The following CATSPER2 variants were observed in gnomAD, a reference collection of about 807,000 sequenced individuals.
CATSPER2 encodes the protein cation channel sperm-associated protein 2.
CATSPER2 carries 56 observed loss-of-function variants against 68.8 expected under a neutral mutation model. The observed-to-expected ratio is 0.81, with a 90% CI of 0.66 to 1.02. The LOEUF (loss-of-function observed/expected upper bound fraction) is 1.02. CATSPER2 is among the 50% of genes least tolerant of loss of function. The probability of loss-of-function intolerance (pLI) is 0.00; values close to 1 mark genes in which losing one functional copy is unlikely to be tolerated. For synonymous variants in CATSPER2, 198 were observed against 229.9 expected, an observed-to-expected ratio of 0.86 and a Z score of 1.26; for missense variants, 582 against 642.0, an observed-to-expected ratio of 0.91 and a Z score of 1.01.
intron 3 of CATSPER2, 41 bp downstream of exon 3, chr15:43,647,253 G>A (rs763234575): frequency 4.4e-6 from 7 of 1,586,026 alleles, no homozygotes; most frequent in Non-Finnish European, 6.1e-6. Flanking sequence ...TTAGGCAGAT[G>A]ATCAACAGCC....
At position 43,632,937 on chromosome 15, in the gene CATSPER2, TAAAG is replaced by T; in HGVS notation, c.1179-7_1179-4del. On this transcript the variant is annotated splice_polypyrimidine_tract_variant and splice_region_variant and intron_variant, in intron 10 of 12. Transcript: ENST00000396879. The stretch of plus-strand genomic sequence containing the variant: ...TTTGTTGACTAGCTCCTCTTGAACT[TAAAG>T]AAGAAATTTATGGCTTCACAAACAT... The T allele has an allele frequency of 6.3e-7, 1 of 1,583,934 alleles. No homozygotes were observed. Among genetic ancestry groups the T allele is most frequent in the Non-Finnish European group, 8.7e-7 (1 of 1,155,976 alleles).
At chr15:43,637,145 A>G (rs545464969) in intron 7 of CATSPER2, among the ~76,000 whole-genome samples, 1 of 151,950 alleles carries the variant, frequency 6.6e-6, no homozygotes, top group Non-Finnish European at 1.5e-5. Flanking sequence ...TTTATTCTCT[A>G]CTGCTCTATG....
At chr15:43,645,398 T>C (rs1011559550) in intron 4 of CATSPER2, among the ~76,000 whole-genome samples, 1 of 151,640 alleles carries the variant, frequency 6.6e-6, no homozygotes, top group African/African-American at 2.4e-5. Context: ...AGAGGCAGAG[T>C]CCTGAACTGG....
Position 43,640,439 on chromosome 15 carries a change from G to T in CATSPER2, c.446C>A (p.Ala149Glu). 6.2e-7 allele frequency: 1 copy of T among 1,613,198 alleles called. No individual in the cohort carries two copies. Among genetic ancestry groups the T allele is most frequent in the Non-Finnish European group, 8.5e-7 (1 of 1,179,438 alleles). The change falls in exon 5 of 13, where the codon GCA (alanine) becomes GAA (glutamate). Residue 149 changes from alanine to glutamate, a missense_variant. Ala to Glu is a moderately radical substitution (Grantham distance 107). Coordinates refer to ENST00000396879, the MANE Select transcript of CATSPER2 (RefSeq NM_172095.4). ...LWPLKLTLEV[A>E]AWFILLIFIL... ...GAAAATAAGCAAGATAAACCAAGCT[G>T]CCACCTCCAAGGTCAGCTTCAATGG...
intron 4 of CATSPER2, among the ~76,000 whole-genome samples, chr15:43,643,352 T>G (rs1473168935): frequency 5.3e-5 from 8 of 152,008 alleles, no homozygotes; most frequent in African/African-American, 1.9e-4. Context: ...CATAATTTCT[T>G]TCTTTTTTTT....
chr15:43,636,443 T>A (rs991909375), intron 7 of CATSPER2, among the ~76,000 whole-genome samples: 4 of 151,872 alleles, frequency 2.6e-5, no homozygotes, highest in African/African-American at 9.7e-5. Context: ...CAGGCTGGAG[T>A]GCAGTGGCGC....
intron 4 of CATSPER2, among the ~76,000 whole-genome samples, chr15:43,644,692 C>T (rs1172873727): frequency 6.6e-6 from 1 of 151,966 alleles, no homozygotes; most frequent in East Asian, 1.9e-4. Context: ...TTAGGAGAAT[C>T]TAATGCCTGA....
At position 43,630,645 on chromosome 15, in the gene CATSPER2, A is replaced by G. The variant is rs2085855614; in HGVS notation, c.*56T>C. 2.5e-6 allele frequency: 4 copies of G among 1,608,610 alleles called. No individual in the cohort carries two copies. Among genetic ancestry groups the G allele is most frequent in the Non-Finnish European group, 3.4e-6 (4 of 1,177,558 alleles). On this transcript the variant is annotated 3_prime_UTR_variant, in exon 13 of 13. Transcript: ENST00000396879. ...TTATATTTTCAATTCTCTATTTCCA[A>G]CAATTCCCTTCATTATCTTTTGCTG...
At chr15:43,638,538 T>C (rs1254290784) in intron 7 of CATSPER2, among the ~76,000 whole-genome samples, 4 of 151,716 alleles carry the variant, frequency 2.6e-5, no homozygotes, top group Non-Finnish European at 5.9e-5. Flanking sequence ...CCACCCGCCT[T>C]GGCCTCCCAA....
At chr15:43,646,983 C>G (rs1332638136) in intron 4 of CATSPER2, 67 bp downstream of exon 4, 9 of 1,388,290 alleles carry the variant, frequency 6.5e-6, no homozygotes, top group Non-Finnish European at 8.2e-6. Context: ...TCCCAAAGTG[C>G]TAGGATTACA....
intron 4 of CATSPER2, among the ~76,000 whole-genome samples, chr15:43,646,449 T>C (rs1301754495): frequency 6.6e-6 from 1 of 151,364 alleles, no homozygotes; most frequent in Non-Finnish European, 1.5e-5. Context: ...TTAGTACAGA[T>C]GGGGTTTCAA....
chr15:43,638,631 AC>A (rs2086011631), intron 7 of CATSPER2, among the ~76,000 whole-genome samples: 1 of 151,786 alleles, frequency 6.6e-6, no homozygotes, highest in Admixed American at 6.6e-5. Context: ...ACCAAGCTTA[AC>A]CACTGGAGTG....
chr15:43,634,499 T>C (rs1457478504), intron 10 of CATSPER2: 1 of 152,066 alleles, frequency 6.6e-6, no homozygotes, highest in Non-Finnish European at 1.5e-5. Context: ...CAGGCATGAG[T>C]CACCGCACCC....
At position 43,632,484 on chromosome 15, in the gene CATSPER2, G is replaced by A. The variant is rs2920781; in HGVS notation, c.1397-121C>T. ...AAAGAGGTAACAGGAAGCAAGGAGG[G>A]AAAGGGTGCATCAGTAAGAAACCAC... On this transcript the variant is annotated intron_variant, in intron 11 of 12. Transcript: ENST00000396879. 183,907 of 1,430,064 alleles carry A rather than the reference G, an allele frequency of 0.13. 19,161 individuals are homozygous for A. The highest frequency in any genetic ancestry group is 0.48 in the African/African-American group (34,061 of 70,332). 88.6% of individuals were successfully genotyped at this position (1,430,064 alleles called of 1,614,324 possible). A position where few individuals can be genotyped will look rare whatever the true frequency, so the allele number is the denominator to read the frequency against.
chr15:43,631,365 G>A (rs2085868380), intron 12 of CATSPER2: 1 of 188,398 alleles, frequency 5.3e-6, no homozygotes, highest in South Asian at 1.3e-4. Flanking sequence ...CGAGTAGCTG[G>A]GACTACAGGC....
rs1210072900 is a variant in CATSPER2 at position 43,633,177 on chromosome 15, T to A, written c.1179-243A>T. 25 of 536,570 alleles carry A rather than the reference T, an allele frequency of 4.7e-5. 1 individual carries two copies. Among genetic ancestry groups the A allele is most frequent in the South Asian group, 3.1e-4 (15 of 48,336 alleles). 33.2% of individuals were successfully genotyped at this position (536,570 alleles called of 1,614,324 possible). ...CTGCTGACTCTACCTTCGAAATATA[T>A]CTTTTCTCAATAACTCACTGCCACC... On this transcript the variant is annotated intron_variant, in intron 10 of 12. Transcript: ENST00000396879.
At position 43,628,724 on chromosome 15, in the gene CATSPER2, C is replaced by T. The variant is rs765405741; in HGVS notation, c.*1977G>A. 3 of 126,830 alleles carry T rather than the reference C, an allele frequency of 2.4e-5. No homozygotes were observed. Among genetic ancestry groups the T allele is most frequent in the African/African-American group, 3.8e-5 (1 of 26,108 alleles). 7.9% of individuals were successfully genotyped at this position (126,830 alleles called of 1,614,324 possible). A position where few individuals can be genotyped will look rare whatever the true frequency, so the allele number is the denominator to read the frequency against. On this transcript the variant is annotated 3_prime_UTR_variant, in exon 13 of 13. Coordinates refer to ENST00000396879, the MANE Select transcript of CATSPER2 (RefSeq NM_172095.4). ...CCTTAATTAGTGATTTCATCACAAC[C>T]ACCACCTTACCTCAACAATTTGTTC...
At chr15:43,637,969 T>C (rs2085994124) in intron 7 of CATSPER2, among the ~76,000 whole-genome samples, 1 of 151,356 alleles carries the variant, frequency 6.6e-6, no homozygotes, top group Non-Finnish European at 1.5e-5. Flanking sequence ...CTTTTTGAGA[T>C]GGAGATGGAG....
chr15:43,647,026 C>A, intron 4 of CATSPER2, 24 bp downstream of exon 4: 1 of 1,599,474 alleles, frequency 6.3e-7, no homozygotes, highest in Non-Finnish European at 8.6e-7. Flanking sequence ...CTCACTTCCT[C>A]TTTCATACAA....
Sources: allele counts gnomAD v4.1 joint callset (sites outside exome capture counted in the v4.1 genomes callset), GRCh38; gene constraint gnomAD v4.1.1; transcripts MANE v1.5; gene names NCBI Gene and HGNC (gene_info 2026-07-23, HGNC 2026-07-21).